ASIC2: variants seen among roughly 807,000 people sequenced by gnomAD.
ASIC2 encodes acid-sensing ion channel 2.
A neutral mutation model predicts 57.3 loss-of-function variants in ASIC2; 25 were observed. That is an observed-to-expected ratio of 0.44 (90% CI 0.32 to 0.61). The LOEUF (loss-of-function observed/expected upper bound fraction) is 0.61, where lower values mean the gene tolerates loss of function less well. ASIC2 is among the 20% of genes least tolerant of loss of function. ASIC2 has a pLI of 0.06. For synonymous variants in ASIC2, 319 were observed against 307.5 expected, an observed-to-expected ratio of 1.04 and a Z score of -0.39; for missense variants, 641 against 738.1, an observed-to-expected ratio of 0.87 and a Z score of 1.52.
chr17:33,264,404 T>C (rs1909387736), intron 1 of ASIC2, among the ~76,000 whole-genome samples: 1 of 152,236 alleles, frequency 6.6e-6, no homozygotes, highest in East Asian at 1.9e-4. Context: ...AGTATGACTA[T>C]TCTCATTTTA....
intron 1 of ASIC2, among the ~76,000 whole-genome samples, chr17:34,028,260 G>T (rs1021264334): frequency 6.6e-6 from 1 of 152,180 alleles, no homozygotes; most frequent in African/African-American, 2.4e-5. Flanking sequence ...CTCCATGGAG[G>T]TCGGTGCTGG....
chr17:33,797,345 C>T (rs1258630768), intron 1 of ASIC2, among the ~76,000 whole-genome samples: 2 of 152,098 alleles, frequency 1.3e-5, no homozygotes, highest in African/African-American at 4.8e-5. Flanking sequence ...TCTGGCATGA[C>T]TAGCGAGGAG....
intron 1 of ASIC2, among the ~76,000 whole-genome samples, chr17:33,160,770 T>G (rs1905140198): frequency 1.3e-5 from 2 of 152,180 alleles, no homozygotes; most frequent in South Asian, 4.1e-4. Flanking sequence ...CCAAACAGAC[T>G]GCAAGCTTCT....
intron 1 of ASIC2, among the ~76,000 whole-genome samples, chr17:34,016,039 G>T (rs1325635644): frequency 6.6e-6 from 1 of 152,204 alleles, no homozygotes; most frequent in Non-Finnish European, 1.5e-5. Flanking sequence ...AAATGAACAT[G>T]TCCTTTCGTC....
At chr17:33,122,829 C>G (rs934905015) in intron 1 of ASIC2, among the ~76,000 whole-genome samples, 4 of 152,174 alleles carry the variant, frequency 2.6e-5, no homozygotes, top group Non-Finnish European at 5.9e-5. Context: ...CTGTCCATCC[C>G]CCTGCACTGC....
At chr17:33,854,821 T>A (rs1913873277) in intron 1 of ASIC2, among the ~76,000 whole-genome samples, 1 of 152,082 alleles carries the variant, frequency 6.6e-6, no homozygotes, top group African/African-American at 2.4e-5. Context: ...ACTTTCCTTG[T>A]GGGATTGTCC....
At chr17:33,718,057 G>T (rs1909275241) in intron 1 of ASIC2, among the ~76,000 whole-genome samples, 1 of 152,122 alleles carries the variant, frequency 6.6e-6, no homozygotes, top group South Asian at 2.1e-4. Flanking sequence ...ACCAGGGATT[G>T]TTTCCAGGAC....
chr17:33,631,231 T>G (rs1339780037), intron 1 of ASIC2, among the ~76,000 whole-genome samples: 1 of 152,146 alleles, frequency 6.6e-6, no homozygotes, highest in Non-Finnish European at 1.5e-5. Context: ...AATCTGTACT[T>G]TGAGAACCTG....
chr17:33,204,754 T>C (rs775937148), intron 1 of ASIC2, among the ~76,000 whole-genome samples: 2 of 152,254 alleles, frequency 1.3e-5, no homozygotes, highest in East Asian at 3.8e-4. Flanking sequence ...CATGTACATG[T>C]CCACTATTAG....
At chr17:34,133,013 A>G (rs1912036364) in intron 1 of ASIC2, among the ~76,000 whole-genome samples, 6 of 152,126 alleles carry the variant, frequency 3.9e-5, no homozygotes, top group Admixed American at 3.9e-4. Flanking sequence ...TCCCTCTTTC[A>G]TTGTGAGAGG....
intron 1 of ASIC2, among the ~76,000 whole-genome samples, chr17:33,402,690 A>T (rs1484452276): frequency 2.0e-5 from 3 of 152,108 alleles, no homozygotes; most frequent in African/African-American, 7.2e-5. Flanking sequence ...TCTATCATTG[A>T]TGGGCTTTTG....
chr17:33,653,601 C>T (rs1906990623), intron 1 of ASIC2, among the ~76,000 whole-genome samples: 1 of 152,186 alleles, frequency 6.6e-6, no homozygotes, highest in South Asian at 2.1e-4. Flanking sequence ...AGTCAATGAT[C>T]TCCCATCTCA....
chr17:33,971,469 G>A (rs1020883748), intron 1 of ASIC2, among the ~76,000 whole-genome samples: 2 of 152,128 alleles, frequency 1.3e-5, no homozygotes, highest in Non-Finnish European at 2.9e-5. Flanking sequence ...TCACACACCA[G>A]CTCCTGAAAG....
At chr17:33,978,855 G>A (rs1905493584) in intron 1 of ASIC2, among the ~76,000 whole-genome samples, 1 of 152,144 alleles carries the variant, frequency 6.6e-6, no homozygotes, top group African/African-American at 2.4e-5. Flanking sequence ...AGCGAGGAGG[G>A]CTTCTAAACA....
In ASIC2 at chr17:34,132,254, G is replaced by A. The variant is rs146338407; in HGVS notation, c.555+23724C>T. On this transcript the variant is annotated intron_variant, in intron 1 of 9. Coordinates refer to the ASIC2 transcript ENST00000359872. ...TGTCGCTGACTTCAAGAACGAAGCCGGGGACCTTTGTGGTGAGTGTTACAG... is the reference window on the plus strand; with the variant it reads ...TGTCGCTGACTTCAAGAACGAAGCCAGGGACCTTTGTGGTGAGTGTTACAG... Among the ~76,000 whole-genome samples, 152 of 152,236 alleles carry A rather than the reference G, an allele frequency of 1.0e-3. 3 individuals are homozygous for A. The East Asian group carries it at 0.026, about 26-fold the overall frequency.
intron 1 of ASIC2, among the ~76,000 whole-genome samples, chr17:33,382,116 G>A (rs1260359273): frequency 6.6e-6 from 1 of 152,100 alleles, no homozygotes; most frequent in Non-Finnish European, 1.5e-5. Flanking sequence ...CAGACACCGG[G>A]CGCTGTCTCT....
intron 1 of ASIC2, among the ~76,000 whole-genome samples, chr17:33,824,755 C>T (rs1280818435): frequency 4.5e-5 from 5 of 111,862 alleles, no homozygotes; most frequent in African/African-American, 1.8e-4. Flanking sequence ...AGGGGAGTTC[C>T]CCTGCACAAG....
intron 1 of ASIC2, among the ~76,000 whole-genome samples, chr17:33,772,033 G>A (rs1911128845): frequency 6.6e-6 from 1 of 152,116 alleles, no homozygotes; most frequent in Non-Finnish European, 1.5e-5. Flanking sequence ...CTGTCTTCCT[G>A]CCTATCAGTC....
Position 33,291,528 on chromosome 17 carries a change from A to C in ASIC2, c.588T>G (p.Pro196=), listed in dbSNP as rs754091741. The change falls in exon 1 of 10, where the codon CCT becomes CCG. Residue 196 remains proline (P), a synonymous_variant. Transcript: ENST00000225823. ...RKLADFRLFL[P]PRHFEGISAA... ...CGCTGATTCCCTCGAAGTGGCGCGG[A>C]GGCAGGAAGAGGCGGAAGTCCGCCA... 11 of 1,612,500 alleles carry C rather than the reference A, an allele frequency of 6.8e-6. No homozygotes were observed. The highest frequency in any genetic ancestry group is 9.3e-6 in the Non-Finnish European group (11 of 1,179,720).
Sources: allele counts gnomAD v4.1 joint callset (sites outside exome capture counted in the v4.1 genomes callset), GRCh38; gene constraint gnomAD v4.1.1; transcripts MANE v1.5; gene names NCBI Gene and HGNC (gene_info 2026-07-23, HGNC 2026-07-21).